Variants in AGAP1 observed in about 807,000 individuals in gnomAD.
AGAP1 encodes the protein arf-GAP with GTPase, ANK repeat and PH domain-containing protein 1.
A neutral mutation model predicts 105.3 loss-of-function variants in AGAP1; 29 were observed. That is an observed-to-expected ratio of 0.28 (90% CI 0.21 to 0.38). The LOEUF is 0.38. AGAP1 is among the 10% of genes least tolerant of loss of function. The pLI is 1.00. For synonymous variants in AGAP1, 509 were observed against 485.9 expected (o/e 1.05, Z -0.63); for missense variants, 998 against 1,165.1 (o/e 0.86, Z 2.09).
chr2:235,570,458 G>T (rs1944478198), intron 1 of AGAP1, among the ~76,000 whole-genome samples: 1 of 152,190 alleles, frequency 6.6e-6, no homozygotes, highest in South Asian at 2.1e-4. Flanking sequence ...AGAGGACAAA[G>T]ACTTATCACA....
Position 236,056,784 on chromosome 2 carries a change from CGTGTGCCAGG to C in AGAP1, c.2114+7506_2114+7515del. On this transcript the variant is annotated intron_variant, in intron 16 of 17. Transcript: ENST00000304032. The surrounding 1 kb of genome is among the most constrained non-coding windows in gnomAD (Gnocchi z 4.6). ...TGCTTGGATTATCCCCATTCCCAGACGTGTGCCAGGGTCACATGGGAGCGCAGGTCAGACT... is the reference window on the plus strand; with the variant it reads ...TGCTTGGATTATCCCCATTCCCAGACGTCACATGGGAGCGCAGGTCAGACT... Among the ~76,000 whole-genome samples, 1 of 152,180 alleles carries C rather than the reference CGTGTGCCAGG, an allele frequency of 6.6e-6. No homozygotes were observed. The highest frequency in any genetic ancestry group is 1.9e-4 in the East Asian group (1 of 5,188).
rs2054039189 is a variant in AGAP1, at chr2:235,958,391, T to C, written c.1484-10071T>C. Among the ~76,000 whole-genome samples the C allele has an allele frequency of 6.6e-6, 1 of 151,848 alleles. No individual in the cohort carries two copies. The highest frequency in any genetic ancestry group is 1.5e-5 in the Non-Finnish European group (1 of 67,950). On this transcript the variant is annotated intron_variant, in intron 12 of 17. Transcript: ENST00000304032. The surrounding 1 kb of genome is among the most constrained non-coding windows in gnomAD (Gnocchi z 4.1). ...CTTGCAGCAGGGAGGCTTGCAGAGA[T>C]CAAGTGCACCTACGCCCAGCACCTC... is the stretch of plus-strand genomic sequence containing the variant.
chr2:235,763,655 C>G (rs544811239), intron 6 of AGAP1, among the ~76,000 whole-genome samples: 3 of 152,178 alleles, frequency 2.0e-5, no homozygotes, highest in African/African-American at 7.2e-5. Flanking sequence ...TGTCCTAATT[C>G]AGCGTTCTCC....
intron 6 of AGAP1, among the ~76,000 whole-genome samples, chr2:235,794,889 CG>C (rs1196388393): frequency 6.6e-6 from 1 of 152,052 alleles, no homozygotes; most frequent in African/African-American, 2.4e-5. Context: ...ATTGAACATA[CG>C]TATTTATATG....
chr2:235,944,399 A>G (rs1575843012), intron 12 of AGAP1, among the ~76,000 whole-genome samples: 1 of 152,242 alleles, frequency 6.6e-6, no homozygotes, highest in African/African-American at 2.4e-5. Flanking sequence ...TTGTAGATAA[A>G]TAGTCCTTTG....
chr2:235,825,529 G>A (rs1408401584), intron 9 of AGAP1, among the ~76,000 whole-genome samples: 1 of 152,014 alleles, frequency 6.6e-6, no homozygotes, highest in Non-Finnish European at 1.5e-5. Flanking sequence ...CTTAACTGGG[G>A]CAAAAATCAT....
At chr2:236,065,495 G>A (rs568399727) in intron 16 of AGAP1, among the ~76,000 whole-genome samples, 1 of 152,302 alleles carries the variant, frequency 6.6e-6, no homozygotes, top group East Asian at 1.9e-4. Context: ...CTGACATGTT[G>A]CTAACACTCC....
intron 1 of AGAP1, among the ~76,000 whole-genome samples, chr2:235,606,360 A>C (rs1421354693): frequency 6.6e-6 from 1 of 152,212 alleles, no homozygotes; most frequent in East Asian, 1.9e-4. Flanking sequence ...GCCAGAGATG[A>C]ACATCCTTCA....
chr2:235,871,307 C>T (rs76732686), intron 9 of AGAP1, among the ~76,000 whole-genome samples: 4,192 of 152,288 alleles, frequency 0.028, 90 homozygotes, highest in Middle Eastern at 0.071. Flanking sequence ...TCCTCTCTCT[C>T]CTCCCGTATT....
rs1943994904 is a variant in AGAP1, at chr2:235,556,989, G to A, written c.163+62140G>A. ...ATAGCGTTTAGTGCACACCTCTTTTGTGCAACTCAGGGCTTTCTGGAGGTT... is the reference window on the plus strand; with the variant it reads ...ATAGCGTTTAGTGCACACCTCTTTTATGCAACTCAGGGCTTTCTGGAGGTT... On this transcript the variant is annotated intron_variant, in intron 1 of 17. Transcript: ENST00000304032. The surrounding 1 kb of genome is among the most constrained non-coding windows in gnomAD (Gnocchi z 5.3). 6.6e-6 allele frequency among the ~76,000 whole-genome samples: 1 copy of A among 152,170 alleles called. No individual in the cohort carries two copies. The highest frequency in any genetic ancestry group is 2.4e-5 in the African/African-American group (1 of 41,430).
At position 235,517,944 on chromosome 2, in the gene AGAP1, A is replaced by AAAAAAG. The variant is rs542428316; in HGVS notation, c.163+23098_163+23099insAAGAAA. Reference sequence around the variant, plus strand: ...TGAGACTCCGTTTCAAAAAAAAAAAAAAAGAAAAAAAAAAGGTAGAACTCA... The same window carrying AAAAAAG: ...TGAGACTCCGTTTCAAAAAAAAAAAAAAAAAGAAAGAAAAAAAAAAGGTAGAACTCA... On this transcript the variant is annotated intron_variant, in intron 1 of 17. Coordinates refer to ENST00000304032, the MANE Select transcript of AGAP1 (RefSeq NM_001037131.3). The surrounding 1 kb of genome is among the most constrained non-coding windows in gnomAD (Gnocchi z 4.1). Among the ~76,000 whole-genome samples the AAAAAAG allele has an allele frequency of 7.1e-5, 10 of 141,720 alleles. 1 individual carries two copies. The highest frequency in any genetic ancestry group is 7.6e-5 in the Non-Finnish European group (5 of 66,082). The allele number at this position is 141,720 out of a possible 152,430, so 93.0% of individuals were successfully genotyped here. A position where few individuals can be genotyped will look rare whatever the true frequency, so the allele number is the denominator to read the frequency against.
At position 235,792,033 on chromosome 2, in the gene AGAP1, G is replaced by A. The variant is rs550034544; in HGVS notation, c.674-5726G>A. On this transcript the variant is annotated intron_variant, in intron 6 of 17. Coordinates refer to ENST00000304032, the MANE Select transcript of AGAP1 (RefSeq NM_001037131.3). The surrounding 1 kb of genome is among the most constrained non-coding windows in gnomAD (Gnocchi z 5.3). The stretch of plus-strand genomic sequence containing the variant: ...TGTCTATGGTGAGCATTTAAAATAC[G>A]GTTTTATTGGAGGTGTGGTTCGTAC... 4.5e-4 allele frequency among the ~76,000 whole-genome samples: 69 copies of A among 152,196 alleles called. No individual in the cohort carries two copies. The highest frequency in any genetic ancestry group is 2.3e-3 in the South Asian group (11 of 4,818).
chr2:235,813,010 G>A (rs938394847), intron 9 of AGAP1, among the ~76,000 whole-genome samples: 1 of 152,212 alleles, frequency 6.6e-6, no homozygotes, highest in Admixed American at 6.5e-5. Flanking sequence ...AACAGACCCA[G>A]CCCAGTTACG....
Position 236,121,515 on chromosome 2 carries a change from G to C in AGAP1, c.2370+1068G>C, listed in dbSNP as rs551572595. Among the ~76,000 whole-genome samples, 41 of 151,994 alleles carry C rather than the reference G, an allele frequency of 2.7e-4. 1 individual carries two copies. The South Asian group carries it at 4.2e-3, about 15-fold the overall frequency. On this transcript the variant is annotated intron_variant, in intron 17 of 17. Transcript: ENST00000304032. This position sits in a 1 kb window ranked among gnomAD's most constrained non-coding sequence, Gnocchi z 4.9. ...GGGGCTTCACCATGTTGGTCAGTCTGGTCTCGAGCTCCTGACCTCGTGATC... is the reference window on the plus strand; with the variant it reads ...GGGGCTTCACCATGTTGGTCAGTCTCGTCTCGAGCTCCTGACCTCGTGATC...
chr2:235,679,329 A>C (rs905331227), intron 1 of AGAP1, among the ~76,000 whole-genome samples: 1 of 152,220 alleles, frequency 6.6e-6, no homozygotes, highest in Non-Finnish European at 1.5e-5. Flanking sequence ...GAAATATTGC[A>C]TATGTGGCTG....
At chr2:235,804,724 T>G (rs1177985882) in intron 8 of AGAP1, among the ~76,000 whole-genome samples, 2 of 152,086 alleles carry the variant, frequency 1.3e-5, no homozygotes, top group Non-Finnish European at 2.9e-5. Flanking sequence ...CTGCATCGAG[T>G]GTTTGTTGGA....
chr2:235,573,235 C>A (rs1342482705), intron 1 of AGAP1, among the ~76,000 whole-genome samples: 1 of 151,536 alleles, frequency 6.6e-6, no homozygotes, highest in Non-Finnish European at 1.5e-5. Context: ...CAGGCATGTA[C>A]CACCATGCCT....
chr2:235,812,151 A>G lies in AGAP1; in HGVS notation c.1050+4820A>G, dbSNP rs182991510. Among the ~76,000 whole-genome samples the G allele has an allele frequency of 2.7e-3, 404 of 152,264 alleles. 1 individual carries two copies. Among genetic ancestry groups the G allele is most frequent in the African/African-American group, 7.8e-3 (325 of 41,544 alleles). ...GCTCGGTGGATGCACCAAAGGAGCA[A>G]CATCCCTCAAAAAAACTTTTTTTTT... is the stretch of plus-strand genomic sequence containing the variant. On this transcript the variant is annotated intron_variant, in intron 9 of 17. Coordinates refer to ENST00000304032, the MANE Select transcript of AGAP1 (RefSeq NM_001037131.3).
Position 235,725,549 on chromosome 2 carries a change from C to A in AGAP1, c.310+7905C>A, listed in dbSNP as rs1475619800. On this transcript the variant is annotated intron_variant, in intron 3 of 17. Coordinates refer to ENST00000304032, the MANE Select transcript of AGAP1 (RefSeq NM_001037131.3). The surrounding 1 kb of genome is among the most constrained non-coding windows in gnomAD (Gnocchi z 5.7). ...CCTGTAATACTCCAGTAACATTTGACTAGTCGTGAAATCTAGCCATTTAGA... is the reference window on the plus strand; with the variant it reads ...CCTGTAATACTCCAGTAACATTTGAATAGTCGTGAAATCTAGCCATTTAGA... Among the ~76,000 whole-genome samples the A allele has an allele frequency of 6.6e-6, 1 of 151,008 alleles. No homozygotes were observed. Among genetic ancestry groups the A allele is most frequent in the Non-Finnish European group, 1.5e-5 (1 of 67,904 alleles).
Sources: gnomAD v4.1 joint callset for allele counts (sites outside exome capture counted in the v4.1 genomes callset) on GRCh38, gnomAD v4.1.1 for gene constraint, Gnocchi (gnomAD v3.1) non-coding constraint, MANE v1.5 for transcripts, NCBI Gene and HGNC (gene_info 2026-07-23, HGNC 2026-07-21) for gene names.